Variants in CSMD1 observed in about 807,000 individuals in gnomAD.
CSMD1 encodes CUB and sushi domain-containing protein 1.
A neutral mutation model predicts 417.5 loss-of-function variants in CSMD1; 213 were observed. The observed-to-expected ratio is 0.51, with a 90% CI of 0.46 to 0.57. The LOEUF (loss-of-function observed/expected upper bound fraction) is 0.57, where lower values mean the gene tolerates loss of function less well. Among genes scored for constraint, CSMD1 ranks in the 20% least tolerant of loss-of-function variants. The pLI is 0.00. For missense variants in CSMD1, 6,923 were observed against 4,529.7 expected, an observed-to-expected ratio of 1.53 and a Z score of -15.17; for synonymous variants, 2,862 against 1,736.8, an observed-to-expected ratio of 1.65 and a Z score of -16.11.
At chr8:4,040,500 T>G (rs980335365) in intron 3 of CSMD1, among the ~76,000 whole-genome samples, 1 of 152,212 alleles carries the variant, frequency 6.6e-6, no homozygotes, top group African/African-American at 2.4e-5. Flanking sequence ...ACAAAAACTC[T>G]TTCATATGAA....
intron 3 of CSMD1, among the ~76,000 whole-genome samples, chr8:4,136,839 A>C (rs1332841602): frequency 6.6e-6 from 1 of 152,178 alleles, no homozygotes; most frequent in South Asian, 2.1e-4. Context: ...ATGTTTGACA[A>C]ACTCTAGGTT....
At chr8:4,582,538 G>A (rs974127893) in intron 2 of CSMD1, among the ~76,000 whole-genome samples, 3 of 152,156 alleles carry the variant, frequency 2.0e-5, no homozygotes, top group African/African-American at 7.2e-5. Context: ...AGGAGTGAGA[G>A]ATCAGGAAGG....
rs548222332 is a variant in CSMD1, at chr8:4,159,737, C to T, written c.416-127638G>A. ...CCGAGCAGCTGGGACTACAGGTGCC[C>T]GCCACCACGCCCGGCTAATTTTTTA... On this transcript the variant is annotated intron_variant, in intron 3 of 69. Transcript: ENST00000635120. Among the ~76,000 whole-genome samples the T allele has an allele frequency of 3.4e-3, 519 of 152,204 alleles. 2 individuals carry two copies. The highest frequency in any genetic ancestry group is 5.8e-3 in the Admixed American group (88 of 15,290).
chr8:3,265,305 C>T (rs192316713), intron 26 of CSMD1, among the ~76,000 whole-genome samples: 1 of 152,166 alleles, frequency 6.6e-6, no homozygotes. Context: ...ATGGTAAACG[C>T]AGAAATCAGT....
Position 3,406,060 on chromosome 8 carries a change from C to A in CSMD1, c.2233G>T (p.Val745Leu). The change falls in exon 15 of 70, where the codon GTG becomes TTG. Residue 745 changes from valine to leucine, a missense_variant. Physicochemically the swap from Val to Leu is conservative, Grantham distance 32. Transcript: ENST00000635120. ...CGGGGCACGGTGGAGCTCCAGACCACGTTCCCGTCTTGCAGTATGCAGGTA... is the reference window on the plus strand; with the variant it reads ...CGGGGCACGGTGGAGCTCCAGACCAAGTTCCCGTCTTGCAGTATGCAGGTA... ...SITCILQDGN[V>L]VWSSTVPRCE... 3 of 1,613,948 alleles carry A rather than the reference C, an allele frequency of 1.9e-6. No homozygotes were observed. Among genetic ancestry groups the A allele is most frequent in the Non-Finnish European group, 2.5e-6 (3 of 1,179,868 alleles).
intron 52 of CSMD1, among the ~76,000 whole-genome samples, chr8:3,010,601 A>G (rs1221246406): frequency 1.3e-5 from 2 of 152,072 alleles, no homozygotes; most frequent in East Asian, 1.9e-4. Context: ...GCTTTACCCC[A>G]TGCCTGCTTG....
chr8:3,737,057 C>T (rs574671048), intron 6 of CSMD1, among the ~76,000 whole-genome samples: 1 of 152,116 alleles, frequency 6.6e-6, no homozygotes, highest in African/African-American at 2.4e-5. Flanking sequence ...GTGCTTTAAG[C>T]GGATTTGAAA....
At position 4,326,912 on chromosome 8, in the gene CSMD1, A is replaced by T. The variant is rs150427550; in HGVS notation, c.415+93041T>A. On this transcript the variant is annotated intron_variant, in intron 3 of 69. Transcript: ENST00000635120. ...ATAGACCATGTATAGGAGGAAAAGTAAGTTAGGAGCCATAATCTCAAGGAA... is the reference window on the plus strand; with the variant it reads ...ATAGACCATGTATAGGAGGAAAAGTTAGTTAGGAGCCATAATCTCAAGGAA... Among the ~76,000 whole-genome samples the T allele has an allele frequency of 7.8e-4, 119 of 152,306 alleles. 2 individuals are homozygous for T. The South Asian group carries it at 8.9e-3, about 11-fold the overall frequency.
intron 2 of CSMD1, among the ~76,000 whole-genome samples, chr8:4,615,639 T>C (rs1294259999): frequency 1.3e-5 from 2 of 152,126 alleles, no homozygotes; most frequent in African/African-American, 4.8e-5. Context: ...AAATAATAAA[T>C]ATATTTTTTT....
intron 6 of CSMD1, among the ~76,000 whole-genome samples, chr8:3,711,988 T>C (rs73658218): frequency 0.034 from 5,182 of 152,268 alleles, 279 homozygotes; most frequent in African/African-American, 0.12. Context: ...ACAGGACCTA[T>C]CTGAAAGCTG....
chr8:3,908,348 A>C (rs917939045), intron 5 of CSMD1, among the ~76,000 whole-genome samples: 1 of 152,250 alleles, frequency 6.6e-6, no homozygotes, highest in Non-Finnish European at 1.5e-5. Context: ...TGAATATTTT[A>C]TGCTATTAAT....
At chr8:4,348,920 G>A (rs142170266) in intron 3 of CSMD1, among the ~76,000 whole-genome samples, 1 of 152,104 alleles carries the variant, frequency 6.6e-6, no homozygotes, top group Non-Finnish European at 1.5e-5. Context: ...TGATATCACA[G>A]CTATTGTTCC....
intron 10 of CSMD1, among the ~76,000 whole-genome samples, chr8:3,523,880 CACATGCACAG>C (rs1797628644): frequency 6.6e-6 from 1 of 150,874 alleles, no homozygotes; most frequent in Non-Finnish European, 1.5e-5. Context: ...CACATGCACA[CACATGCACAG>C]AGACATATGC....
chr8:4,023,327 T>A (rs905418652), intron 4 of CSMD1, among the ~76,000 whole-genome samples: 7 of 152,170 alleles, frequency 4.6e-5, no homozygotes, highest in Middle Eastern at 3.2e-3. Context: ...GTATTTCTGT[T>A]TGAGCCCATT....
chr8:4,794,449 T>C (rs1041959890), intron 1 of CSMD1, among the ~76,000 whole-genome samples: 4 of 152,094 alleles, frequency 2.6e-5, no homozygotes, highest in African/African-American at 9.7e-5. Context: ...AACAAAATGG[T>C]TCCTCATTGC....
At chr8:3,980,560 A>C (rs1208793208) in intron 5 of CSMD1, among the ~76,000 whole-genome samples, 1 of 152,116 alleles carries the variant, frequency 6.6e-6, no homozygotes. Flanking sequence ...TTTTCCACTC[A>C]AATTCGTAGT....
chr8:3,933,095 T>G (rs1175419634), intron 5 of CSMD1, among the ~76,000 whole-genome samples: 1 of 149,908 alleles, frequency 6.7e-6, no homozygotes, highest in South Asian at 2.1e-4. Context: ...ACAACATTAT[T>G]TTCCTCTTTA....
chr8:4,697,331 A>T (rs1807199781), intron 1 of CSMD1, among the ~76,000 whole-genome samples: 1 of 152,074 alleles, frequency 6.6e-6, no homozygotes, highest in African/African-American at 2.4e-5. Context: ...TTCTCACCAA[A>T]AGTTGCATTC....
rs565074428 is a variant in CSMD1, at chr8:4,720,384, A to G, written c.86-82826T>C. ...AGGAAAATATGACAAACTATATTAA[A>G]TGCAAAACTATCAGCTACTACTTCT... On this transcript the variant is annotated intron_variant, in intron 1 of 69. Transcript: ENST00000635120. Among the ~76,000 whole-genome samples, 5 of 152,232 alleles carry G rather than the reference A, an allele frequency of 3.3e-5. No homozygotes were observed. The South Asian group carries it at 6.2e-4, about 19-fold the overall frequency.
Sources: allele counts gnomAD v4.1 joint callset (sites outside exome capture counted in the v4.1 genomes callset), GRCh38; gene constraint gnomAD v4.1.1; transcripts MANE v1.5; gene names NCBI Gene and HGNC (gene_info 2026-07-23, HGNC 2026-07-21).